The following NLGN1 variants were observed in gnomAD, a reference collection of about 807,000 sequenced individuals.
NLGN1 encodes the protein neuroligin 1, also known as neuroligin-1.
NLGN1 carries 12 observed loss-of-function variants against 65.5 expected under a neutral mutation model. The observed-to-expected ratio is 0.18, with a 90% CI of 0.12 to 0.30. The LOEUF (loss-of-function observed/expected upper bound fraction) is 0.30. Ranked by LOEUF, NLGN1 falls within the 10% of genes least tolerant of loss-of-function variation. NLGN1 has a pLI of 1.00. For missense variants in NLGN1, 750 were observed against 1,007.1 expected (o/e 0.74, Z 3.46); for synonymous variants, 350 against 359.5 (o/e 0.97, Z 0.30).
intron 4 of NLGN1, among the ~76,000 whole-genome samples, chr3:174,053,949 T>C: frequency 6.6e-6 from 1 of 152,142 alleles, no homozygotes; most frequent in South Asian, 2.1e-4. Context: ...GGAATTTATT[T>C]ATGCCAAGCT....
At chr3:173,526,796 G>A (rs1735717124) in intron 2 of NLGN1, among the ~76,000 whole-genome samples, 1 of 152,082 alleles carries the variant, frequency 6.6e-6, no homozygotes, top group Non-Finnish European at 1.5e-5. Context: ...GTCTTCATGA[G>A]TTCAATTATT....
At chr3:173,797,233 G>A (rs188505677) in intron 3 of NLGN1, among the ~76,000 whole-genome samples, 18 of 152,276 alleles carry the variant, frequency 1.2e-4, no homozygotes, top group Admixed American at 3.3e-4. Flanking sequence ...GCCTTTAGGC[G>A]TAGAGATAAA....
At chr3:173,474,629 TA>T (rs1467805255) in intron 2 of NLGN1, among the ~76,000 whole-genome samples, 1 of 152,144 alleles carries the variant, frequency 6.6e-6, no homozygotes, top group African/African-American at 2.4e-5. Flanking sequence ...AGTTTCAGTA[TA>T]AAATATGCAT....
chr3:173,662,653 C>A (rs935140570), intron 3 of NLGN1, among the ~76,000 whole-genome samples: 22 of 151,952 alleles, frequency 1.4e-4, no homozygotes, highest in African/African-American at 5.1e-4. Flanking sequence ...TCTTTCTTAG[C>A]CATTAGCATA....
At chr3:173,990,823 A>C (rs1217320751) in intron 4 of NLGN1, among the ~76,000 whole-genome samples, 1 of 152,192 alleles carries the variant, frequency 6.6e-6, no homozygotes, top group Non-Finnish European at 1.5e-5. Flanking sequence ...AACAATTGTA[A>C]TGGGTATTAG....
At chr3:173,655,031 T>C (rs556681998) in intron 3 of NLGN1, among the ~76,000 whole-genome samples, 11 of 152,326 alleles carry the variant, frequency 7.2e-5, no homozygotes, top group African/African-American at 2.4e-4. Flanking sequence ...GCTTCCATTA[T>C]AGTTTTCTAT....
chr3:174,053,369 G>A lies in NLGN1; in HGVS notation c.647-221946G>A, dbSNP rs546717686. 1.2e-3 allele frequency among the ~76,000 whole-genome samples: 183 copies of A among 152,064 alleles called. No homozygotes were observed. In the Middle Eastern group the frequency reaches 0.024, roughly 20 times the overall value. The stretch of plus-strand genomic sequence containing the variant: ...ATGGCCATAATTATATTTTTAAAAT[G>A]TATGCTTCTGGTGGTCTTGTAAACA... On this transcript the variant is annotated intron_variant, in intron 4 of 6. Coordinates refer to ENST00000457714, the Ensembl canonical transcript of NLGN1.
intron 3 of NLGN1, among the ~76,000 whole-genome samples, chr3:173,753,185 C>T (rs1469538799): frequency 6.6e-6 from 1 of 152,098 alleles, no homozygotes; most frequent in South Asian, 2.1e-4. Flanking sequence ...AGACTCCTGG[C>T]TTTAAATACT....
chr3:173,402,851 A>G (rs1443329186), intron 1 of NLGN1, among the ~76,000 whole-genome samples: 1 of 152,168 alleles, frequency 6.6e-6, no homozygotes. Flanking sequence ...AATGCGTTGT[A>G]TGATTGTTTT....
In NLGN1 at chr3:173,516,010, A is replaced by G. The variant is rs144126070; in HGVS notation, c.-321+80932A>G. Among the ~76,000 whole-genome samples, 9 of 152,212 alleles carry G rather than the reference A, an allele frequency of 5.9e-5. No homozygotes were observed. In the East Asian group the frequency reaches 1.7e-3, roughly 29 times the overall value. On this transcript the variant is annotated intron_variant, in intron 2 of 6. Transcript: ENST00000457714. ...TTTTTTCTACATTTAATGAGAGACCATATGATTTTTATCCTTTGTGAACTC... is the reference window on the plus strand; with the variant it reads ...TTTTTTCTACATTTAATGAGAGACCGTATGATTTTTATCCTTTGTGAACTC...
At chr3:173,807,737 A>G (rs1225865926) in exon 4 of NLGN1, 1 of 1,613,700 alleles carries the variant, frequency 6.2e-7, no homozygotes, top group Admixed American at 1.7e-5. Context: ...GGTGGCTCAT[A>G]TATGGAAGGT....
chr3:174,032,012 A>T (rs1427824782), intron 4 of NLGN1, among the ~76,000 whole-genome samples: 2 of 151,968 alleles, frequency 1.3e-5, no homozygotes, highest in Admixed American at 6.6e-5. Context: ...CAAAATTCAA[A>T]GTTAAAAAAA....
chr3:173,478,562 T>G (rs1368208566), intron 2 of NLGN1, among the ~76,000 whole-genome samples: 1 of 152,132 alleles, frequency 6.6e-6, no homozygotes, highest in Admixed American at 6.5e-5. Context: ...AAATAAAAAT[T>G]AAAAAAATTT....
chr3:173,558,857 T>A (rs1372693032), intron 2 of NLGN1, among the ~76,000 whole-genome samples: 1 of 151,978 alleles, frequency 6.6e-6, no homozygotes, highest in Non-Finnish European at 1.5e-5. Context: ...GTATTATGTC[T>A]AATAGAAAAG....
chr3:173,804,307 G>A (rs13074723), intron 3 of NLGN1, among the ~76,000 whole-genome samples: 100,959 of 151,948 alleles, frequency 0.66, 34,416 homozygotes, highest in Non-Finnish European at 0.74. Flanking sequence ...ATTTCTGAGT[G>A]TGTTCTTGTG....
intron 4 of NLGN1, among the ~76,000 whole-genome samples, chr3:173,898,912 T>C (rs1438798016): frequency 1.3e-5 from 2 of 152,096 alleles, no homozygotes; most frequent in Non-Finnish European, 2.9e-5. Flanking sequence ...ACCATTCAGA[T>C]ACAGCTTTAA....
chr3:173,963,864 G>A (rs994889611), intron 4 of NLGN1, among the ~76,000 whole-genome samples: 7 of 152,128 alleles, frequency 4.6e-5, no homozygotes, highest in African/African-American at 9.7e-5. Context: ...GCATTCAGGA[G>A]TAAATGGTAG....
rs1553880849 is a variant in NLGN1 at position 173,544,259 on chromosome 3, C to CGTGTGTGTAT, written c.-320-60012_-320-60011insATGTGTGTGT. On this transcript the variant is annotated intron_variant, in intron 2 of 6. Coordinates refer to ENST00000457714, the Ensembl canonical transcript of NLGN1. ...GTAGTAAAGTACCAAGATTATATTACGTGTGTGTGTGTGTGTGTGTGTGTG... is the reference window on the plus strand; with the variant it reads ...GTAGTAAAGTACCAAGATTATATTACGTGTGTGTATGTGTGTGTGTGTGTGTGTGTGTGTG... 6.6e-3 allele frequency among the ~76,000 whole-genome samples: 957 copies of CGTGTGTGTAT among 144,222 alleles called. 10 individuals are homozygous for CGTGTGTGTAT. The highest frequency in any genetic ancestry group is 0.024 in the African/African-American group (930 of 38,326). 94.6% of individuals were successfully genotyped at this position (144,222 alleles called of 152,430 possible).
intron 4 of NLGN1, among the ~76,000 whole-genome samples, chr3:174,033,511 A>G (rs1318510237): frequency 6.7e-6 from 1 of 148,942 alleles, no homozygotes; most frequent in Non-Finnish European, 1.5e-5. Flanking sequence ...GAAATATCAA[A>G]TGGGGCATTT....
Sources: allele counts gnomAD v4.1 joint callset (sites outside exome capture counted in the v4.1 genomes callset), GRCh38; gene constraint gnomAD v4.1.1; transcripts MANE v1.5; gene names NCBI Gene and HGNC (gene_info 2026-07-23, HGNC 2026-07-21).